RAVER2: variants seen among roughly 807,000 people sequenced by gnomAD.
The protein encoded by RAVER2 is ribonucleoprotein PTB-binding 2.
Under a neutral mutation model 78.1 loss-of-function variants are expected in RAVER2, and 46 were observed. That is an observed-to-expected ratio of 0.59 (90% CI 0.46 to 0.75). The LOEUF (loss-of-function observed/expected upper bound fraction) is 0.75, where lower values mean the gene tolerates loss of function less well. Among genes scored for constraint, RAVER2 ranks in the 30% least tolerant of loss-of-function variants. The pLI, the probability that RAVER2 is intolerant of heterozygous loss-of-function variation, is 0.00. For synonymous variants in RAVER2, 311 were observed against 313.3 expected, an observed-to-expected ratio of 0.99 and a Z score of 0.08; for missense variants, 793 against 837.5, an observed-to-expected ratio of 0.95 and a Z score of 0.66.
intron 5 of RAVER2, among the ~76,000 whole-genome samples, chr1:64,797,914 T>G (rs1653140247): frequency 6.7e-6 from 1 of 149,138 alleles, no homozygotes; most frequent in Non-Finnish European, 1.5e-5. Context: ...GTAATGTAGT[T>G]TTTTTTTTTC....
intron 5 of RAVER2, among the ~76,000 whole-genome samples, chr1:64,801,986 G>A (rs1385388024): frequency 1.3e-5 from 2 of 152,226 alleles, no homozygotes; most frequent in South Asian, 2.1e-4. Flanking sequence ...AACAAGAGGT[G>A]GATTATTCAT....
At chr1:64,800,814 A>C (rs1166972439) in intron 5 of RAVER2, among the ~76,000 whole-genome samples, 1 of 152,136 alleles carries the variant, frequency 6.6e-6, no homozygotes. Context: ...GAGAATATTG[A>C]AAACTGTTGA....
exon 3 of RAVER2, chr1:64,777,804 A>C (rs201541592): frequency 5.9e-5 from 95 of 1,614,102 alleles, no homozygotes; most frequent in Non-Finnish European, 7.9e-5. Flanking sequence ...GTGCTTATGG[A>C]AATATTGAGA....
chr1:64,794,767 T>A (rs368050990), intron 5 of RAVER2, among the ~76,000 whole-genome samples: 1 of 152,162 alleles, frequency 6.6e-6, no homozygotes, highest in African/African-American at 2.4e-5. Context: ...GATATATGGT[T>A]TGCAAATATT....
chr1:64,807,604 A>G, intron 9 of RAVER2, 130 bp downstream of exon 9: 1 of 1,028,262 alleles, frequency 9.7e-7, no homozygotes, highest in South Asian at 2.7e-5. Context: ...TACTTTTCAA[A>G]ATTGAAGAAA....
At chr1:64,826,328 G>A (rs1181161478) in intron 11 of RAVER2, among the ~76,000 whole-genome samples, 2 of 152,134 alleles carry the variant, frequency 1.3e-5, no homozygotes, top group East Asian at 1.9e-4. Context: ...GGGAAGTCTT[G>A]GAGTTTAAAT....
At chr1:64,778,833 G>A (rs767734910) in intron 3 of RAVER2, among the ~76,000 whole-genome samples, 20 of 148,400 alleles carry the variant, frequency 1.3e-4, no homozygotes, top group Non-Finnish European at 2.8e-4. Context: ...TCCCATCCAC[G>A]CTCCTTTTCC....
At chr1:64,753,135 C>T (rs929872999) in intron 1 of RAVER2, among the ~76,000 whole-genome samples, 3 of 152,290 alleles carry the variant, frequency 2.0e-5, no homozygotes, top group Non-Finnish European at 2.9e-5. Context: ...CTCACTGCAG[C>T]CTCGACCTTC....
intron 11 of RAVER2, among the ~76,000 whole-genome samples, chr1:64,824,999 A>T (rs1653975975): frequency 6.6e-6 from 1 of 150,748 alleles, no homozygotes; most frequent in Non-Finnish European, 1.5e-5. Context: ...GAATCGTTAA[A>T]TCCAAAGTTA....
intron 5 of RAVER2, among the ~76,000 whole-genome samples, chr1:64,801,995 A>G (rs1018502956): frequency 7.9e-5 from 12 of 152,264 alleles, no homozygotes; most frequent in Non-Finnish European, 1.6e-4. Flanking sequence ...TGGATTATTC[A>G]TGAATTTTCC....
chr1:64,787,167 T>A (rs977713761), intron 4 of RAVER2, among the ~76,000 whole-genome samples: 12 of 152,266 alleles, frequency 7.9e-5, no homozygotes, highest in African/African-American at 2.9e-4. Flanking sequence ...GACATTCTTA[T>A]TATTTCCTAT....
intron 1 of RAVER2, among the ~76,000 whole-genome samples, chr1:64,766,877 T>C (rs1652188725): frequency 6.6e-6 from 1 of 152,142 alleles, no homozygotes; most frequent in Admixed American, 6.6e-5. Context: ...GATGTTTTCT[T>C]ATTGAAGAGT....
At chr1:64,750,206 A>T (rs1319443174) in intron 1 of RAVER2, among the ~76,000 whole-genome samples, 4 of 152,174 alleles carry the variant, frequency 2.6e-5, no homozygotes, top group African/African-American at 9.7e-5. Flanking sequence ...ATTACCAAGT[A>T]AGCACTTTTT....
chr1:64,811,515 C>T (rs1653605714), intron 9 of RAVER2, among the ~76,000 whole-genome samples: 1 of 152,154 alleles, frequency 6.6e-6, no homozygotes, highest in Non-Finnish European at 1.5e-5. Context: ...ATGTGTACCA[C>T]AGATTGAGGT....
intron 2 of RAVER2, among the ~76,000 whole-genome samples, chr1:64,774,002 C>A (rs1051774838): frequency 2.0e-5 from 3 of 152,168 alleles, no homozygotes; most frequent in Admixed American, 6.5e-5. Context: ...TCTGTTCATA[C>A]CCTTTGCCCA....
intron 11 of RAVER2, among the ~76,000 whole-genome samples, chr1:64,818,847 A>G (rs899138979): frequency 2.6e-5 from 4 of 152,190 alleles, no homozygotes; most frequent in African/African-American, 9.7e-5. Context: ...ATCTATGTGT[A>G]AACTTAACCC....
chr1:64,756,097 TG>T (rs1040959816), intron 1 of RAVER2, among the ~76,000 whole-genome samples: 2 of 152,182 alleles, frequency 1.3e-5, no homozygotes, highest in African/African-American at 4.8e-5. Context: ...TTGCACTTTT[TG>T]TAGAATGTCT....
At chr1:64,822,058 C>T (rs913066048) in intron 11 of RAVER2, among the ~76,000 whole-genome samples, 7 of 152,146 alleles carry the variant, frequency 4.6e-5, no homozygotes, top group Admixed American at 1.3e-4. Context: ...GAGGCCATGG[C>T]GGGCGGATCA....
chr1:64,812,362 C>CAAAAAAAAA (rs61411897), intron 9 of RAVER2, among the ~76,000 whole-genome samples: 1 of 70,086 alleles, frequency 1.4e-5, no homozygotes, highest in African/African-American at 5.6e-5. Context: ...ATTCCATCTC[C>CAAAAAAAAA]AAAAAAAAAA....
Sources: gnomAD v4.1 joint callset for allele counts (sites outside exome capture counted in the v4.1 genomes callset) on GRCh38, gnomAD v4.1.1 for gene constraint, MANE v1.5 for transcripts, NCBI Gene and HGNC (gene_info 2026-07-23, HGNC 2026-07-21) for gene names.